Variants in RBFOX1 observed in about 807,000 individuals in gnomAD.
RBFOX1 encodes RNA binding fox-1 homolog 1.
Under a neutral mutation model 57.7 loss-of-function variants are expected in RBFOX1, and 8 were observed. The ratio of observed to expected loss-of-function variants is 0.14; its 90% CI spans 0.08 to 0.25. The LOEUF is 0.25. RBFOX1 is among the 10% of genes least tolerant of loss of function. The probability of loss-of-function intolerance (pLI) is 1.00; values close to 1 mark genes in which losing one functional copy is unlikely to be tolerated. For missense variants in RBFOX1, 611 were observed against 548.5 expected (o/e 1.11, Z -1.14); for synonymous variants, 326 against 222.4 (o/e 1.47, Z -4.15).
At chr16:6,705,379 T>G (rs1379558295) in intron 3 of RBFOX1, 1 of 152,190 alleles carries the variant, frequency 6.6e-6, no homozygotes, top group Non-Finnish European at 1.5e-5. Flanking sequence ...CATGTTTAGC[T>G]TAATTGGGAC....
chr16:7,303,413 C>T (rs2096079825), intron 4 of RBFOX1, among the ~76,000 whole-genome samples: 3 of 152,184 alleles, frequency 2.0e-5, no homozygotes, highest in African/African-American at 2.4e-5. Context: ...GCAAACGCAC[C>T]GCCACCAACA....
At chr16:5,320,136 A>G (rs1476102263) in intron 1 of RBFOX1, among the ~76,000 whole-genome samples, 1 of 152,218 alleles carries the variant, frequency 6.6e-6, no homozygotes, top group Non-Finnish European at 1.5e-5. Flanking sequence ...TGCCATAGGT[A>G]TGAACATGTG....
chr16:7,101,633 T>G (rs2062710274), intron 4 of RBFOX1, among the ~76,000 whole-genome samples: 1 of 152,146 alleles, frequency 6.6e-6, no homozygotes, highest in African/African-American at 2.4e-5. Flanking sequence ...ACTAGCAGGT[T>G]ATTCAAAGGT....
At chr16:7,060,700 G>T (rs2053977501) in intron 4 of RBFOX1, among the ~76,000 whole-genome samples, 1 of 152,122 alleles carries the variant, frequency 6.6e-6, no homozygotes. Context: ...TAATTTCTGG[G>T]ACTCCCCAAG....
At chr16:7,246,128 T>G (rs2094288625) in intron 4 of RBFOX1, among the ~76,000 whole-genome samples, 1 of 152,258 alleles carries the variant, frequency 6.6e-6, no homozygotes, top group South Asian at 2.1e-4. Context: ...CTTAGTTTGA[T>G]ACCTAAGCTG....
intron 4 of RBFOX1, among the ~76,000 whole-genome samples, chr16:7,176,578 C>T (rs1335205235): frequency 6.6e-6 from 1 of 152,128 alleles, no homozygotes; most frequent in Admixed American, 6.5e-5. Flanking sequence ...TCGATTATGG[C>T]TGTGTTTGTG....
At chr16:7,407,376 GT>G (rs1555860948) in intron 4 of RBFOX1, among the ~76,000 whole-genome samples, 4 of 16,412 alleles carry the variant, frequency 2.4e-4, no homozygotes, top group Non-Finnish European at 7.9e-4. Flanking sequence ...TTGTATGGGT[GT>G]GTGTGTGTGT....
intron 1 of RBFOX1, among the ~76,000 whole-genome samples, chr16:5,405,414 T>C (rs1219791996): frequency 3.9e-5 from 6 of 152,248 alleles, no homozygotes; most frequent in Non-Finnish European, 7.3e-5. Context: ...ACAAACTCTC[T>C]TTTGCCTATT....
At chr16:6,877,537 G>C (rs546874923) in intron 3 of RBFOX1, among the ~76,000 whole-genome samples, 2 of 152,104 alleles carry the variant, frequency 1.3e-5, no homozygotes, top group Non-Finnish European at 2.9e-5. Flanking sequence ...CTCAGTGCTT[G>C]GAATTCGGAA....
chr16:6,254,521 C>G (rs532163783), intron 1 of RBFOX1, among the ~76,000 whole-genome samples: 5 of 152,070 alleles, frequency 3.3e-5, no homozygotes, highest in Non-Finnish European at 7.4e-5. Context: ...AGCTTGATCC[C>G]AAGGTCATAC....
At chr16:6,759,202 G>C (rs984008285) in intron 3 of RBFOX1, among the ~76,000 whole-genome samples, 5 of 151,050 alleles carry the variant, frequency 3.3e-5, no homozygotes, top group East Asian at 2.0e-4. Context: ...CCAGGCTGGA[G>C]TGCAGTGGCA....
At position 5,292,557 on chromosome 16, in the gene RBFOX1, G is replaced by A. The variant is rs1242715708; in HGVS notation, c.219+52452G>A. Among the ~76,000 whole-genome samples the A allele has an allele frequency of 2.0e-5, 3 of 152,130 alleles. No individual in the cohort carries two copies. The East Asian group carries it at 5.8e-4, about 29-fold the overall frequency. On this transcript the variant is annotated intron_variant, in intron 1 of 2. Transcript: ENST00000585867. Reference sequence around the variant, plus strand: ...CAATGCAAATAGGCACTCATGCACCGTCACCATCACTCCCCCTGATTGGTG... The same window carrying A: ...CAATGCAAATAGGCACTCATGCACCATCACCATCACTCCCCCTGATTGGTG...
chr16:6,068,182 T>G (rs1411219020), intron 1 of RBFOX1, among the ~76,000 whole-genome samples: 1 of 152,180 alleles, frequency 6.6e-6, no homozygotes, highest in Admixed American at 6.5e-5. Flanking sequence ...TGCTCCCCTT[T>G]GGGTCTGAGA....
At chr16:5,730,878 A>G (rs1456720435) in intron 3 of RBFOX1, among the ~76,000 whole-genome samples, 1 of 151,994 alleles carries the variant, frequency 6.6e-6, no homozygotes, top group East Asian at 1.9e-4. Flanking sequence ...CATCACCACT[A>G]TTATCATTGC....
chr16:6,197,412 T>C (rs1441836299), intron 1 of RBFOX1, among the ~76,000 whole-genome samples: 2 of 152,080 alleles, frequency 1.3e-5, no homozygotes, highest in Non-Finnish European at 2.9e-5. Flanking sequence ...GTGAATCACA[T>C]GTGGTTTCAG....
chr16:5,799,285 C>A lies in RBFOX1; in HGVS notation c.319-68018C>A, dbSNP rs373957751. On this transcript the variant is annotated intron_variant, in intron 3 of 19. Transcript: ENST00000641259. ...TCATTTATCTCCCACTGGGTTCCTC[C>A]CACAACACATGGGAATTATGGGAGC... Among the ~76,000 whole-genome samples, 24 of 152,174 alleles carry A rather than the reference C, an allele frequency of 1.6e-4. 1 individual carries two copies. In the East Asian group the frequency reaches 3.1e-3, roughly 20 times the overall value.
intron 4 of RBFOX1, among the ~76,000 whole-genome samples, chr16:7,086,707 G>C (rs1368340852): frequency 3.8e-5 from 1 of 26,424 alleles, no homozygotes; most frequent in Non-Finnish European, 6.6e-5. Flanking sequence ...CAAAGAGAGG[G>C]AGGGAAGAAT....
intron 3 of RBFOX1, among the ~76,000 whole-genome samples, chr16:5,659,999 T>A (rs1038277063): frequency 2.0e-5 from 3 of 152,246 alleles, no homozygotes; most frequent in Admixed American, 2.0e-4. Context: ...TATTTTATAG[T>A]TCTTTTTATT....
chr16:5,663,119 C>T (rs1016880150), intron 3 of RBFOX1, among the ~76,000 whole-genome samples: 2 of 152,252 alleles, frequency 1.3e-5, no homozygotes, highest in South Asian at 2.1e-4. Flanking sequence ...TGCTAAACAC[C>T]GTACAACGCA....
Sources: allele counts gnomAD v4.1 joint callset (sites outside exome capture counted in the v4.1 genomes callset), GRCh38; gene constraint gnomAD v4.1.1; transcripts MANE v1.5; gene names NCBI Gene and HGNC (gene_info 2026-07-23, HGNC 2026-07-21).